GLT8D2: variants seen among roughly 807,000 people sequenced by gnomAD.
GLT8D2 encodes glycosyltransferase 8 domain containing 2, also known as glycosyltransferase 8 domain-containing protein 2.
In GLT8D2, 45 loss-of-function variants were observed where a neutral mutation model predicts 44.5. The ratio of observed to expected loss-of-function variants is 1.01; its 90% CI spans 0.80 to 1.30. The LOEUF is 1.30. GLT8D2 is among the 50% of genes most tolerant of loss of function. GLT8D2 has a pLI of 0.00. For missense variants in GLT8D2, 400 were observed against 430.4 expected (o/e 0.93, Z 0.62); for synonymous variants, 156 against 157.2 (o/e 0.99, Z 0.06).
intron 1 of GLT8D2, among the ~76,000 whole-genome samples, chr12:104,024,980 G>T (rs1878372447): frequency 6.9e-6 from 1 of 145,070 alleles, no homozygotes; most frequent in African/African-American, 2.6e-5. Context: ...TGAGGCAGGA[G>T]AATTGCCTGA....
At chr12:103,997,886 G>T (rs867311086) in intron 6 of GLT8D2, among the ~76,000 whole-genome samples, 11 of 149,094 alleles carry the variant, frequency 7.4e-5, no homozygotes, top group Middle Eastern at 7.0e-3. Context: ...CAGTAATTTT[G>T]ATAATTGTCA....
intron 2 of GLT8D2, among the ~76,000 whole-genome samples, chr12:104,020,525 G>A (rs1051947198): frequency 6.6e-6 from 1 of 152,146 alleles, no homozygotes; most frequent in Non-Finnish European, 1.5e-5. Flanking sequence ...AACAGTACTG[G>A]TCCCTATCCT....
chr12:104,031,588 C>A, intron 1 of GLT8D2: 1 of 1,607,232 alleles, frequency 6.2e-7, no homozygotes, highest in Non-Finnish European at 8.5e-7. Context: ...CCTCCCTGCC[C>A]ATCTTGTCCC....
chr12:104,021,915 GAAGAAGAAGAAGAAGAAGAAGAAGAA>G (rs1566202276), intron 1 of GLT8D2, among the ~76,000 whole-genome samples: 8 of 18,910 alleles, frequency 4.2e-4, no homozygotes, highest in African/African-American at 8.9e-4. Flanking sequence ...AGAAGAAGAA[GAAGAAGAAGAAGAAGAAGAAGAAGAA>G]GAAGAAGAAG....
chr12:104,032,466 C>CAAAAAAAAATAAA (rs1879385582), intron 1 of GLT8D2, among the ~76,000 whole-genome samples: 1 of 59,700 alleles, frequency 1.7e-5, no homozygotes, highest in Non-Finnish European at 3.5e-5. Flanking sequence ...TGTGCAATAG[C>CAAAAAAAAATAAA]AAAAAAAAAA....
intron 1 of GLT8D2, among the ~76,000 whole-genome samples, chr12:104,034,447 C>T (rs980448863): frequency 6.6e-6 from 1 of 152,274 alleles, no homozygotes; most frequent in African/African-American, 2.4e-5. Context: ...AAATACTGCA[C>T]TTTTCCAGTG....
At chr12:103,996,595 T>C in intron 8 of GLT8D2, 140 bp downstream of exon 8, 2 of 625,230 alleles carry the variant, frequency 3.2e-6, no homozygotes, top group Non-Finnish European at 5.7e-6. Flanking sequence ...CAGACCCCTG[T>C]ACTGTTCCAC....
intron 1 of GLT8D2, among the ~76,000 whole-genome samples, chr12:104,024,569 A>AT (rs893534834): frequency 6.6e-6 from 1 of 151,892 alleles, no homozygotes; most frequent in Non-Finnish European, 1.5e-5. Context: ...TATTGCCGGT[A>AT]TTTTTTTTAT....
At chr12:104,049,162 GGCCAA>G (rs1363958479) in intron 1 of GLT8D2, among the ~76,000 whole-genome samples, 3 of 150,070 alleles carry the variant, frequency 2.0e-5, no homozygotes, top group African/African-American at 7.3e-5. Context: ...GCTGCACAGG[GGCCAA>G]ACAACGAGAG....
intron 9 of GLT8D2, 71 bp from the exon 10 acceptor site, chr12:103,993,575 A>G: frequency 1.1e-6 from 1 of 903,554 alleles, no homozygotes; most frequent in Non-Finnish European, 1.7e-6. Flanking sequence ...CGAATCTGAT[A>G]TTGTAAATGA....
chr12:104,041,555 G>A (rs781417369), intron 1 of GLT8D2, among the ~76,000 whole-genome samples: 3 of 152,202 alleles, frequency 2.0e-5, no homozygotes, highest in Non-Finnish European at 2.9e-5. Flanking sequence ...CAGCCTGGGT[G>A]ACAAAGCAAG....
chr12:104,026,853 T>C (rs1037984758), intron 1 of GLT8D2, among the ~76,000 whole-genome samples: 1 of 152,356 alleles, frequency 6.6e-6, no homozygotes, highest in East Asian at 1.9e-4. Context: ...TTGATCCTTC[T>C]TAACTATGGT....
intron 1 of GLT8D2, among the ~76,000 whole-genome samples, chr12:104,057,298 G>A (rs1260345018): frequency 2.6e-5 from 4 of 152,168 alleles, no homozygotes; most frequent in East Asian, 1.9e-4. Flanking sequence ...TTGGAAGGCT[G>A]AGGCTTGAGC....
chr12:104,050,300 G>C (rs1213757291), upstream of GLT8D2: 1 of 152,244 alleles, frequency 6.6e-6, no homozygotes, highest in African/African-American at 2.4e-5. Context: ...TGGAGGAAAA[G>C]ACACAAAACC....
At chr12:104,045,892 T>TAAAAAAGA (rs1555281857) in intron 1 of GLT8D2, among the ~76,000 whole-genome samples, 1 of 112,028 alleles carries the variant, frequency 8.9e-6, no homozygotes, top group African/African-American at 3.5e-5. Flanking sequence ...AAAAGAAAGA[T>TAAAAAAGA]AAGAAAGAAA....
chr12:104,028,649 A>G (rs903880039), intron 1 of GLT8D2, among the ~76,000 whole-genome samples: 1 of 152,184 alleles, frequency 6.6e-6, no homozygotes, highest in African/African-American at 2.4e-5. Flanking sequence ...TTTACAATCA[A>G]CATGTTAATA....
intron 6 of GLT8D2, among the ~76,000 whole-genome samples, 160 bp from the exon 7 acceptor site, chr12:103,997,695 G>T (rs4964435): frequency 0.16 from 24,966 of 151,940 alleles, 2,618 homozygotes; most frequent in East Asian, 0.53. Context: ...GAGCTTCCCA[G>T]TGCCCAACTT....
chr12:104,039,353 T>C (rs1043556216), intron 1 of GLT8D2, among the ~76,000 whole-genome samples: 6 of 152,120 alleles, frequency 3.9e-5, no homozygotes, highest in African/African-American at 9.6e-5. Context: ...TCAGAGTGAA[T>C]AGGCAACCTA....
chr12:103,999,695 C>CT (rs953976865), intron 5 of GLT8D2, among the ~76,000 whole-genome samples, 181 bp from the exon 6 acceptor site: 1 of 152,114 alleles, frequency 6.6e-6, no homozygotes, highest in South Asian at 2.1e-4. Context: ...GACTTTAAAT[C>CT]TTTTTTTCCC....
Sources: gnomAD v4.1 joint callset for allele counts (sites outside exome capture counted in the v4.1 genomes callset) on GRCh38, gnomAD v4.1.1 for gene constraint, MANE v1.5 for transcripts, NCBI Gene and HGNC (gene_info 2026-07-23, HGNC 2026-07-21) for gene names.